COL4A5: variants seen among roughly 807,000 people sequenced by gnomAD.
The protein encoded by COL4A5 is collagen type IV alpha 5 chain, also known as collagen alpha-5(IV) chain.
Under a neutral mutation model 130.2 loss-of-function variants are expected in COL4A5, and 26 were observed. That is an observed-to-expected ratio of 0.20 (90% confidence interval 0.15 to 0.28). COL4A5 has a LOEUF of 0.28. COL4A5 is among the 10% of genes least tolerant of loss of function. The pLI is 1.00. For synonymous variants in COL4A5, 496 were observed against 439.6 expected (o/e 1.13, Z -1.60); for missense variants, 1,131 against 1,344.3 (o/e 0.84, Z 2.48).
At chrX:108,670,357 A>G in intron 42 of COL4A5, 121 bp downstream of exon 42, 1 of 1,124,026 alleles carries the variant, frequency 8.9e-7, no homozygotes, top group Non-Finnish European at 1.2e-6. Flanking sequence ...ATTCTTACAT[A>G]GTGGCTTATC....
At chrX:108,509,113 C>A (rs1183875234) in intron 1 of COL4A5, among the ~76,000 whole-genome samples, 2 of 112,095 alleles carry the variant, frequency 1.8e-5, no homozygotes, top group Non-Finnish European at 3.8e-5. Context: ...AAGAAACTAT[C>A]AACAGACTAA....
At chrX:108,660,836 A>G (rs2067943069) in intron 37 of COL4A5, among the ~76,000 whole-genome samples, 1 of 111,771 alleles carries the variant, frequency 8.9e-6, no homozygotes, top group South Asian at 3.7e-4. Flanking sequence ...ACATAACAAC[A>G]TTTTGGTCAA....
At chrX:108,577,372 C>CAAAAAAAAAAAAAAAAA (rs746311921) in intron 10 of COL4A5, among the ~76,000 whole-genome samples, 3 of 29,913 alleles carry the variant, frequency 1.0e-4, no homozygotes, top group Non-Finnish European at 1.5e-4. Flanking sequence ...AACTCCTTCT[C>CAAAAAAAAAAAAAAAAA]AAAAAAAAAA....
At chrX:108,559,726 CG>C (rs1164568147) in intron 3 of COL4A5, among the ~76,000 whole-genome samples, 1 of 111,822 alleles carries the variant, frequency 8.9e-6, no homozygotes, top group Admixed American at 9.5e-5. Flanking sequence ...AGGATGGAAA[CG>C]TACTGAATCA....
At chrX:108,543,243 C>A (rs1011329056) in intron 2 of COL4A5, among the ~76,000 whole-genome samples, 2 of 111,520 alleles carry the variant, frequency 1.8e-5, no homozygotes, top group Non-Finnish European at 3.8e-5. Flanking sequence ...GGTTTTAGAT[C>A]TAGCATTTAA....
intron 4 of COL4A5, among the ~76,000 whole-genome samples, chrX:108,564,774 T>C (rs2147736628): frequency 8.9e-6 from 1 of 111,767 alleles, no homozygotes; most frequent in Non-Finnish European, 1.9e-5. Flanking sequence ...CATAGCATGT[T>C]TACGTGTGTG....
chrX:108,504,185 T>C (rs1401199046), intron 1 of COL4A5, among the ~76,000 whole-genome samples: 1 of 111,835 alleles, frequency 8.9e-6, no homozygotes, highest in Non-Finnish European at 1.9e-5. Flanking sequence ...GATATCTGCA[T>C]GTAGAAGAAT....
chrX:108,622,713 C>A lies in COL4A5; in HGVS notation c.2805C>A (p.Gly935=). The A allele has an allele frequency of 8.3e-7, 1 of 1,210,860 alleles. No homozygotes were observed. Among genetic ancestry groups the A allele is most frequent in the Non-Finnish European group, 1.1e-6 (1 of 894,905 alleles). Residue 935 remains glycine (G), a synonymous_variant, in exon 33 of 53, where the codon GGC becomes GGA. Coordinates refer to ENST00000328300, the MANE Select transcript of COL4A5 (RefSeq NM_033380.3). The part of the protein sequence containing the change: ...DGLQGQPGLP[G]PTGEKGSKGE... The stretch of plus-strand genomic sequence containing the variant: ...TGCAGGGTCAGCCAGGACTTCCTGG[C>A]CCTACAGGAGAAAAAGGTAGTAAAG...
At chrX:108,518,209 A>G (rs1226606188) in intron 1 of COL4A5, among the ~76,000 whole-genome samples, 1 of 111,241 alleles carries the variant, frequency 9.0e-6, no homozygotes, top group East Asian at 2.8e-4. Context: ...CCCAAATACC[A>G]TTAAAATTAT....
At chrX:108,643,124 G>C (rs887899893) in intron 36 of COL4A5, among the ~76,000 whole-genome samples, 1 of 111,717 alleles carries the variant, frequency 9.0e-6, no homozygotes, top group Non-Finnish European at 1.9e-5. Context: ...GCTCTGGAAA[G>C]TCTCAGCAAT....
intron 1 of COL4A5, among the ~76,000 whole-genome samples, chrX:108,509,347 G>A (rs371741297): frequency 1.5e-4 from 17 of 111,551 alleles, no homozygotes; most frequent in Middle Eastern, 4.7e-3. Context: ...TAATATCTGC[G>A]TAATTAAATA....
At chrX:108,561,708 CAAATG>C (rs1181433562) in intron 3 of COL4A5, among the ~76,000 whole-genome samples, 23 of 110,856 alleles carry the variant, frequency 2.1e-4, no homozygotes, top group African/African-American at 5.9e-4. Flanking sequence ...TTAAGGAAAT[CAAATG>C]GATACTCACC....
chrX:108,525,074 A>G (rs1296951379), intron 1 of COL4A5, among the ~76,000 whole-genome samples: 1 of 111,476 alleles, frequency 9.0e-6, no homozygotes, highest in African/African-American at 3.3e-5. Context: ...TGTTCCACTG[A>G]TTATTAAAAG....
chrX:108,536,285 G>A (rs979900080), intron 1 of COL4A5, among the ~76,000 whole-genome samples: 8 of 109,519 alleles, frequency 7.3e-5, no homozygotes, highest in South Asian at 3.8e-4. Context: ...GTGTGTGCAC[G>A]TGCTTGCATG....
chrX:108,535,321 A>G (rs2065440993), intron 1 of COL4A5, among the ~76,000 whole-genome samples: 1 of 110,643 alleles, frequency 9.0e-6, no homozygotes. Context: ...TTCTGTTGTC[A>G]TATGTTTCTT....
At chrX:108,473,303 C>G (rs2064792214) in intron 1 of COL4A5, among the ~76,000 whole-genome samples, 1 of 109,296 alleles carries the variant, frequency 9.1e-6, no homozygotes, top group Admixed American at 9.9e-5. Context: ...TCTCATAACA[C>G]AAAAAAGTTA....
chrX:108,533,488 A>G (rs748340367), intron 1 of COL4A5, among the ~76,000 whole-genome samples: 4 of 111,606 alleles, frequency 3.6e-5, no homozygotes, highest in African/African-American at 1.3e-4. Context: ...CTGTGCATCC[A>G]ACAAAGGTCT....
At chrX:108,539,553 A>G (rs1163616567) in intron 1 of COL4A5, among the ~76,000 whole-genome samples, 193 bp from the exon 2 acceptor site, 2 of 111,912 alleles carry the variant, frequency 1.8e-5, no homozygotes, top group Non-Finnish European at 3.8e-5. Flanking sequence ...AAAAGTTAAG[A>G]CAGAAGTGTA....
At chrX:108,662,689 A>G (rs1345329699) in intron 37 of COL4A5, among the ~76,000 whole-genome samples, 1 of 112,057 alleles carries the variant, frequency 8.9e-6, no homozygotes, top group African/African-American at 3.2e-5. Context: ...GGGAACTACA[A>G]ACCATTCCTC....
Sources: gnomAD v4.1 joint callset for allele counts (sites outside exome capture counted in the v4.1 genomes callset) on GRCh38, gnomAD v4.1.1 for gene constraint, MANE v1.5 for transcripts, NCBI Gene and HGNC (gene_info 2026-07-23, HGNC 2026-07-21) for gene names.